TBR1: variants seen among roughly 807,000 people sequenced by gnomAD.
The protein encoded by TBR1 is T-box brain protein 1.
A neutral mutation model predicts 60.3 loss-of-function variants in TBR1; 7 were observed. The observed-to-expected ratio is 0.12, with a 90% CI of 0.07 to 0.22. TBR1 has a LOEUF of 0.22. Among genes scored for constraint, TBR1 ranks in the 10% least tolerant of loss-of-function variants. The probability of loss-of-function intolerance (pLI) is 1.00; values close to 1 mark genes in which losing one functional copy is unlikely to be tolerated. For synonymous variants in TBR1, 417 were observed against 409.9 expected (o/e 1.02, Z -0.21); for missense variants, 616 against 936.8 (o/e 0.66, Z 4.47).
chr2:161,418,044 T>C (rs1684160636), intron 2 of TBR1, 157 bp from the exon 3 acceptor site: 3 of 1,455,834 alleles, frequency 2.1e-6, no homozygotes, highest in Middle Eastern at 2.4e-4. Flanking sequence ...GAAGAAAGAA[T>C]GGCCTAAAAA....
At position 161,424,345 on chromosome 2, in the gene TBR1, C is replaced by T; in HGVS notation, c.*118C>T. 1 of 1,170,514 alleles carries T rather than the reference C, an allele frequency of 8.5e-7. No individual in the cohort carries two copies. The highest frequency in any genetic ancestry group is 1.2e-6 in the Non-Finnish European group (1 of 842,942). 72.5% of individuals were successfully genotyped at this position (1,170,514 alleles called of 1,614,324 possible). ...GCGCACCCACTCATTTTATTTGACC[C>T]TCGATGGCCGTCTGCAGCGAATAAG... On this transcript the variant is annotated 3_prime_UTR_variant, in exon 6 of 6. Transcript: ENST00000389554. The surrounding 1 kb of genome is among the most constrained non-coding windows in gnomAD (Gnocchi z 4.4).
chr2:161,422,787 G>C, intron 5 of TBR1: 1 of 152,204 alleles, frequency 6.6e-6, no homozygotes, highest in East Asian at 1.9e-4. Flanking sequence ...CACGGGTGAA[G>C]GCCAGTCTTT....
intron 5 of TBR1, chr2:161,422,796 T>A (rs1219232206): frequency 1.3e-5 from 2 of 152,174 alleles, no homozygotes; most frequent in Non-Finnish European, 1.5e-5. Flanking sequence ...AGGCCAGTCT[T>A]TCATGATTAC....
chr2:161,421,317 C>T (rs1043455431), intron 5 of TBR1: 2 of 152,236 alleles, frequency 1.3e-5, no homozygotes, highest in African/African-American at 4.8e-5. Flanking sequence ...AGATACCAAC[C>T]ATCCCTCCTG....
rs542111393 is a variant in TBR1 at position 161,423,143 on chromosome 2, C to T, written c.1191-226C>T. The T allele has an allele frequency of 1.6e-3, 642 of 408,092 alleles. 1 individual carries two copies. Among genetic ancestry groups the T allele is most frequent in the Non-Finnish European group, 2.4e-3 (560 of 233,338 alleles). 25.3% of individuals were successfully genotyped at this position (408,092 alleles called of 1,614,324 possible). On this transcript the variant is annotated intron_variant, in intron 5 of 5. Coordinates refer to ENST00000389554, the MANE Select transcript of TBR1 (RefSeq NM_006593.4). Reference sequence around the variant, plus strand: ...TGATGGTCTGTATCTTGCTCAGGTCCCTGCATAGACAGATTGGCTCCTCTA... The same window carrying T: ...TGATGGTCTGTATCTTGCTCAGGTCTCTGCATAGACAGATTGGCTCCTCTA...
rs765731155 is a variant in TBR1 at position 161,424,105 on chromosome 2, G to A, written c.1927G>A (p.Ala643Thr). 2.5e-6 allele frequency: 4 copies of A among 1,612,004 alleles called. No homozygotes were observed. Among genetic ancestry groups the A allele is most frequent in the South Asian group, 1.1e-5 (1 of 90,566 alleles). ...EQAKRRRISP[A>T]DTPVSESSSP... ...GGCCAAGCGGAGGCGGATCTCGCCG[G>A]CCGACACGCCCGTGTCCGAGAGTTC... Residue 643 changes from alanine to threonine, a missense_variant, in exon 6 of 6, where the codon GCC becomes ACC. Coordinates refer to ENST00000389554, the MANE Select transcript of TBR1 (RefSeq NM_006593.4). This position sits in a 1 kb window ranked among gnomAD's most constrained non-coding sequence, Gnocchi z 4.4.
At chr2:161,418,683 C>T (rs1371782840) in intron 3 of TBR1, 1 of 675,288 alleles carries the variant, frequency 1.5e-6, no homozygotes, top group South Asian at 2.1e-5. Flanking sequence ...TTTCCGGTGC[C>T]CCGGCTTATC....
Position 161,417,121 on chromosome 2 carries a change from C to A in TBR1, c.692+19C>A. On this transcript the variant is annotated intron_variant, in intron 1 of 5. Transcript: ENST00000389554. The surrounding 1 kb of genome is among the most constrained non-coding windows in gnomAD (Gnocchi z 5.3). Reference sequence around the variant, plus strand: ...AGGGAAGGTAATACTACATTTTTGGCTGCCGCTGCTCTAGGCGCAGCCGGG... The same window carrying A: ...AGGGAAGGTAATACTACATTTTTGGATGCCGCTGCTCTAGGCGCAGCCGGG... 6.4e-7 allele frequency: 1 copy of A among 1,560,002 alleles called. No homozygotes were observed. Among genetic ancestry groups the A allele is most frequent in the Non-Finnish European group, 8.7e-7 (1 of 1,152,302 alleles).
Position 161,417,572 on chromosome 2 carries a change from A to G in TBR1, c.693-104A>G. ...AAATATTCGCCTATTTGCTGCAAGT[A>G]CAAGTTTTGCTTTGCTAACTGGCGC... On this transcript the variant is annotated intron_variant, in intron 1 of 5. Coordinates refer to ENST00000389554, the MANE Select transcript of TBR1 (RefSeq NM_006593.4). The surrounding 1 kb of genome is among the most constrained non-coding windows in gnomAD (Gnocchi z 5.3). 2.1e-6 allele frequency: 3 copies of G among 1,400,642 alleles called. No individual in the cohort carries two copies. The highest frequency in any genetic ancestry group is 2.9e-6 in the Non-Finnish European group (3 of 1,029,466). The allele number at this position is 1,400,642 out of a possible 1,614,324, so 86.8% of individuals were successfully genotyped here. A position where few individuals can be genotyped will look rare whatever the true frequency, so the allele number is the denominator to read the frequency against.
In TBR1 at chr2:161,424,275, C is replaced by T. The variant is rs778759656; in HGVS notation, c.*48C>T. 16 of 1,493,624 alleles carry T rather than the reference C, an allele frequency of 1.1e-5. No individual in the cohort carries two copies. The highest frequency in any genetic ancestry group is 2.1e-4 in the Middle Eastern group (1 of 4,798). The allele number at this position is 1,493,624 out of a possible 1,614,324, so 92.5% of individuals were successfully genotyped here. On this transcript the variant is annotated 3_prime_UTR_variant, in exon 6 of 6. Coordinates refer to ENST00000389554, the MANE Select transcript of TBR1 (RefSeq NM_006593.4). This position sits in a 1 kb window ranked among gnomAD's most constrained non-coding sequence, Gnocchi z 4.4. The stretch of plus-strand genomic sequence containing the variant: ...CGCCGCGGCCCGGACCCCCAGCCAG[C>T]CCCTCACAGCTCTTCCCCAGCTCCG...
Position 161,416,516 on chromosome 2 carries a change from GATC to G in TBR1, c.110_112del (p.His37del). On this transcript the variant is annotated inframe_deletion, in exon 1 of 6. Transcript: ENST00000389554. The surrounding 1 kb of genome is among the most constrained non-coding windows in gnomAD (Gnocchi z 6.1). ...AGGCGGATCCGAGCTTGTCTTGCAC[GATC>G]ATCCCATTATCTCGACCACTGACAA... 3 of 1,614,084 alleles carry G rather than the reference GATC, an allele frequency of 1.9e-6. No homozygotes were observed. The highest frequency in any genetic ancestry group is 2.5e-6 in the Non-Finnish European group (3 of 1,180,016).
At position 161,424,244 on chromosome 2, in the gene TBR1, C is replaced by G; in HGVS notation, c.*17C>G. The G allele has an allele frequency of 1.3e-6, 2 of 1,532,960 alleles. No homozygotes were observed. Among genetic ancestry groups the G allele is most frequent in the Admixed American group, 2.0e-5 (1 of 51,078 alleles). The allele number at this position is 1,532,960 out of a possible 1,614,324, so 95.0% of individuals were successfully genotyped here. On this transcript the variant is annotated 3_prime_UTR_variant, in exon 6 of 6. Coordinates refer to ENST00000389554, the MANE Select transcript of TBR1 (RefSeq NM_006593.4). This position sits in a 1 kb window ranked among gnomAD's most constrained non-coding sequence, Gnocchi z 4.4. ...CACAGCTAGGCCGCCCCTGCCCGCC[C>G]GGCCCCGCCGCGGCCCGGACCCCCA...
chr2:161,424,297 T>G lies in TBR1; in HGVS notation c.*70T>G, dbSNP rs1385939584. 2 of 1,448,016 alleles carry G rather than the reference T, an allele frequency of 1.4e-6. No individual in the cohort carries two copies. Among genetic ancestry groups the G allele is most frequent in the African/African-American group, 1.4e-5 (1 of 69,690 alleles). The allele number at this position is 1,448,016 out of a possible 1,614,324, so 89.7% of individuals were successfully genotyped here. A position where few individuals can be genotyped will look rare whatever the true frequency, so the allele number is the denominator to read the frequency against. On this transcript the variant is annotated 3_prime_UTR_variant, in exon 6 of 6. Coordinates refer to ENST00000389554, the MANE Select transcript of TBR1 (RefSeq NM_006593.4). This position sits in a 1 kb window ranked among gnomAD's most constrained non-coding sequence, Gnocchi z 4.4. Reference sequence around the variant, plus strand: ...CAGCCCCTCACAGCTCTTCCCCAGCTCCGCCTCCCCACACTCCTCCTTGCG... The same window carrying G: ...CAGCCCCTCACAGCTCTTCCCCAGCGCCGCCTCCCCACACTCCTCCTTGCG...
At position 161,423,582 on chromosome 2, in the gene TBR1, G is replaced by T. The variant is rs779723616; in HGVS notation, c.1404G>T (p.Leu468=). The change falls in exon 6 of 6, where the codon CTG becomes CTT. Residue 468 remains leucine (L), a synonymous_variant. Coordinates refer to ENST00000389554, the MANE Select transcript of TBR1 (RefSeq NM_006593.4). ...DRSVPHTNGL[L]SPQQAEDPGA... ...GCGTGCCGCACACCAACGGGCTGCTGTCGCCGCAGCAGGCCGAGGACCCGG... is the reference window on the plus strand; with the variant it reads ...GCGTGCCGCACACCAACGGGCTGCTTTCGCCGCAGCAGGCCGAGGACCCGG... The T allele has an allele frequency of 5.8e-6, 9 of 1,544,584 alleles. No individual in the cohort carries two copies. Among genetic ancestry groups the T allele is most frequent in the Non-Finnish European group, 7.0e-6 (8 of 1,151,018 alleles).
chr2:161,416,839 C>T lies in TBR1; in HGVS notation c.429C>T (p.Ser143=), dbSNP rs755253685. 6.8e-6 allele frequency: 11 copies of T among 1,614,084 alleles called. No homozygotes were observed. Among genetic ancestry groups the T allele is most frequent in the African/African-American group, 1.3e-5 (1 of 75,060 alleles). The change falls in exon 1 of 6, where the codon AGC becomes AGT. Residue 143 remains serine, a synonymous_variant. Coordinates refer to ENST00000389554, the MANE Select transcript of TBR1 (RefSeq NM_006593.4). The surrounding 1 kb of genome is among the most constrained non-coding windows in gnomAD (Gnocchi z 6.1). ...AHPAFSIGSP[S]RYMAHHPVIT... ...CCGCCTTCTCCATCGGCAGCCCTAGCCGCTACATGGCCCACCACCCGGTCA... is the reference window on the plus strand; with the variant it reads ...CCGCCTTCTCCATCGGCAGCCCTAGTCGCTACATGGCCCACCACCCGGTCA...
At position 161,424,308 on chromosome 2, in the gene TBR1, A is replaced by G; in HGVS notation, c.*81A>G. ...AGCTCTTCCCCAGCTCCGCCTCCCC[A>G]CACTCCTCCTTGCGCACCCACTCAT... On this transcript the variant is annotated 3_prime_UTR_variant, in exon 6 of 6. Transcript: ENST00000389554. The surrounding 1 kb of genome is among the most constrained non-coding windows in gnomAD (Gnocchi z 4.4). 7.2e-7 allele frequency: 1 copy of G among 1,382,172 alleles called. No homozygotes were observed. The highest frequency in any genetic ancestry group is 9.7e-7 in the Non-Finnish European group (1 of 1,034,732). 85.6% of individuals were successfully genotyped at this position (1,382,172 alleles called of 1,614,324 possible).
Position 161,425,321 on chromosome 2 carries a change from T to C in TBR1, c.*1094T>C, listed in dbSNP as rs1394741758. On this transcript the variant is annotated 3_prime_UTR_variant, in exon 6 of 6. Coordinates refer to ENST00000389554, the MANE Select transcript of TBR1 (RefSeq NM_006593.4). ...CTGTAAATCTTTGTAATGAATACTC[T>C]ATTAATGATATAGATGACTGAATTG... The C allele has an allele frequency of 6.6e-6, 1 of 152,260 alleles. No individual in the cohort carries two copies. The highest frequency in any genetic ancestry group is 1.5e-5 in the Non-Finnish European group (1 of 68,040). The allele number at this position is 152,260 out of a possible 1,614,324, so 9.4% of individuals were successfully genotyped here.
Position 161,416,515 on chromosome 2 carries a change from C to T in TBR1, c.105C>T (p.His35=). The stretch of plus-strand genomic sequence containing the variant: ...CAGGCGGATCCGAGCTTGTCTTGCA[C>T]GATCATCCCATTATCTCGACCACTG... ...PHSGGSELVL[H]DHPIISTTDN... The change falls in exon 1 of 6, where the codon CAC becomes CAT. Residue 35 remains histidine (H), a synonymous_variant. Coordinates refer to ENST00000389554, the MANE Select transcript of TBR1 (RefSeq NM_006593.4). This position sits in a 1 kb window ranked among gnomAD's most constrained non-coding sequence, Gnocchi z 6.1. 6.2e-7 allele frequency: 1 copy of T among 1,614,134 alleles called. No individual in the cohort carries two copies.
In TBR1 at chr2:161,418,962, C is replaced by T; in HGVS notation, c.1040C>T (p.Thr347Met). 6.2e-7 allele frequency: 1 copy of T among 1,614,244 alleles called. No homozygotes were observed. The highest frequency in any genetic ancestry group is 8.5e-7 in the Non-Finnish European group (1 of 1,180,040). The change falls in exon 4 of 6, where the codon ACG becomes ATG. Residue 347 changes from threonine to methionine, a missense_variant. Thr to Met is a moderately conservative substitution (Grantham distance 81, BLOSUM62 -1). This residue lies in a region of TBR1 where 85 missense variants were observed against 164.9 expected (regional missense o/e 0.52). Transcript: ENST00000389554. ...LHVVEVNEDGTEDTSQPGRVQ... is the reference protein window; with the variant it reads ...LHVVEVNEDGMEDTSQPGRVQ... Reference sequence around the variant, plus strand: ...GTGGTGGAAGTGAACGAGGACGGCACGGAGGACACTAGCCAGCCCGGCCGC... The same window carrying T: ...GTGGTGGAAGTGAACGAGGACGGCATGGAGGACACTAGCCAGCCCGGCCGC...
Sources: gnomAD v4.1 joint callset for allele counts on GRCh38, gnomAD v4.1.1 for gene constraint, gnomAD v4.1.1 regional missense constraint, Gnocchi (gnomAD v3.1) non-coding constraint, MANE v1.5 for transcripts, NCBI Gene and HGNC (gene_info 2026-07-23, HGNC 2026-07-21) for gene names.